Variants in DCUN1D3 observed in about 807,000 individuals in gnomAD.
DCUN1D3 encodes the protein DCN1-like protein 3.
DCUN1D3 carries 6 observed loss-of-function variants against 24.8 expected under a neutral mutation model. The observed-to-expected ratio is 0.24, with a 90% CI of 0.13 to 0.48. DCUN1D3 has a LOEUF of 0.48. Ranked by LOEUF, DCUN1D3 falls within the 20% of genes least tolerant of loss-of-function variation. The probability of loss-of-function intolerance (pLI) is 0.99; values close to 1 mark genes in which losing one functional copy is unlikely to be tolerated. For missense variants in DCUN1D3, 258 were observed against 379.4 expected (o/e 0.68, Z 2.66); for synonymous variants, 120 against 144.9 (o/e 0.83, Z 1.24).
At chr16:20,876,514 T>C (rs542124902) in intron 1 of DCUN1D3, among the ~76,000 whole-genome samples, 87 of 150,694 alleles carry the variant, frequency 5.8e-4, no homozygotes, top group African/African-American at 2.1e-3. Context: ...GAAATGTTAA[T>C]GAGTATAGCC....
Position 20,859,762 on chromosome 16 carries a change from C to T in DCUN1D3, c.*124G>A. On this transcript the variant is annotated 3_prime_UTR_variant, in exon 3 of 3. Coordinates refer to ENST00000324344, the MANE Select transcript of DCUN1D3 (RefSeq NM_173475.4). ...CAGCATTTTAGAGCCCTTTCAGATACAAGGCAGAGAAAGGTGTAAAGTAGA... is the reference window on the plus strand; with the variant it reads ...CAGCATTTTAGAGCCCTTTCAGATATAAGGCAGAGAAAGGTGTAAAGTAGA... 7.7e-7 allele frequency: 1 copy of T among 1,303,102 alleles called. No homozygotes were observed. Among genetic ancestry groups the T allele is most frequent in the Non-Finnish European group, 1.0e-6 (1 of 973,324 alleles). The allele number at this position is 1,303,102 out of a possible 1,614,324, so 80.7% of individuals were successfully genotyped here.
intron 1 of DCUN1D3, among the ~76,000 whole-genome samples, chr16:20,885,021 G>A (rs1184556257): frequency 6.7e-6 from 1 of 149,358 alleles, no homozygotes; most frequent in Admixed American, 6.7e-5. Context: ...CTGTCACCAG[G>A]CTGGAGTACA....
intron 1 of DCUN1D3, among the ~76,000 whole-genome samples, chr16:20,864,174 G>A (rs2081748106): frequency 6.6e-6 from 1 of 151,898 alleles, no homozygotes; most frequent in African/African-American, 2.4e-5. Context: ...AGAAACTATC[G>A]AGAGATAGCA....
rs968862408 is a variant in DCUN1D3, at chr16:20,854,977, A to C, written c.*4909T>G. On this transcript the variant is annotated 3_prime_UTR_variant, in exon 3 of 3. Coordinates refer to ENST00000324344, the MANE Select transcript of DCUN1D3 (RefSeq NM_173475.4). ...ACAGCAGGTAACCTTCCAAATAAAA[A>C]ACATTAAAGGAAAAAATGTAGACAT... 14 of 152,764 alleles carry C rather than the reference A, an allele frequency of 9.2e-5. No homozygotes were observed. Among genetic ancestry groups the C allele is most frequent in the African/African-American group, 3.4e-4 (14 of 41,568 alleles). The allele number at this position is 152,764 out of a possible 1,614,324, so 9.5% of individuals were successfully genotyped here.
At chr16:20,864,990 A>C (rs1046916118) in intron 1 of DCUN1D3, among the ~76,000 whole-genome samples, 1 of 152,162 alleles carries the variant, frequency 6.6e-6, no homozygotes, top group African/African-American at 2.4e-5. Context: ...TTGAGGGTAG[A>C]GGGTGGAGGG....
chr16:20,855,457 A>C lies in DCUN1D3; in HGVS notation c.*4429T>G, dbSNP rs1394416740. On this transcript the variant is annotated 3_prime_UTR_variant, in exon 3 of 3. Coordinates refer to ENST00000324344, the MANE Select transcript of DCUN1D3 (RefSeq NM_173475.4). Reference sequence around the variant, plus strand: ...AATATCCAAGATTTGTGTTGAAAGGAGCAGGGAGGTTGGATGGGTGGCGGA... The same window carrying C: ...AATATCCAAGATTTGTGTTGAAAGGCGCAGGGAGGTTGGATGGGTGGCGGA... 6.6e-6 allele frequency: 1 copy of C among 152,278 alleles called. No homozygotes were observed. Among genetic ancestry groups the C allele is most frequent in the Non-Finnish European group, 1.5e-5 (1 of 68,072 alleles). 9.4% of individuals were successfully genotyped at this position (152,278 alleles called of 1,614,324 possible). A position where few individuals can be genotyped will look rare whatever the true frequency, so the allele number is the denominator to read the frequency against.
chr16:20,884,977 C>CTT (rs11365673), intron 1 of DCUN1D3, among the ~76,000 whole-genome samples: 3 of 122,816 alleles, frequency 2.4e-5, no homozygotes, highest in African/African-American at 3.3e-5. Context: ...CACCATTTTG[C>CTT]TTTTTTTTTT....
rs79375748 is a variant in DCUN1D3, at chr16:20,882,622, T to G, written c.-106+17582A>C. On this transcript the variant is annotated intron_variant, in intron 1 of 2. Coordinates refer to ENST00000324344, the MANE Select transcript of DCUN1D3 (RefSeq NM_173475.4). Reference sequence around the variant, plus strand: ...ACATTTTCTAATTGTCACTATCTTATGTTCCAACCAGACAATAAAGTCCTT... The same window carrying G: ...ACATTTTCTAATTGTCACTATCTTAGGTTCCAACCAGACAATAAAGTCCTT... 7.5e-3 allele frequency among the ~76,000 whole-genome samples: 1,145 copies of G among 152,294 alleles called. 24 individuals carry two copies. The highest frequency in any genetic ancestry group is 0.026 in the African/African-American group (1,078 of 41,546).
intron 1 of DCUN1D3, among the ~76,000 whole-genome samples, chr16:20,886,935 G>A (rs2081870373): frequency 6.6e-6 from 1 of 152,224 alleles, no homozygotes; most frequent in African/African-American, 2.4e-5. Flanking sequence ...TCTTTGACAT[G>A]ACTTTAGTAT....
In DCUN1D3 at chr16:20,859,095, G is replaced by A. The variant is rs1242372160; in HGVS notation, c.*791C>T. 6.6e-6 allele frequency: 1 copy of A among 152,626 alleles called. No individual in the cohort carries two copies. Among genetic ancestry groups the A allele is most frequent in the Admixed American group, 6.5e-5 (1 of 15,284 alleles). The allele number at this position is 152,626 out of a possible 1,614,324, so 9.5% of individuals were successfully genotyped here. A position where few individuals can be genotyped will look rare whatever the true frequency, so the allele number is the denominator to read the frequency against. Reference sequence around the variant, plus strand: ...TGCTTTCTCCGCATTCAATGCTTAAGTGGTTCTCAGTACAATGTGTTCTTA... The same window carrying A: ...TGCTTTCTCCGCATTCAATGCTTAAATGGTTCTCAGTACAATGTGTTCTTA... On this transcript the variant is annotated 3_prime_UTR_variant, in exon 3 of 3. Transcript: ENST00000324344.
At chr16:20,892,874 C>G (rs966508341) in intron 1 of DCUN1D3, among the ~76,000 whole-genome samples, 8 of 152,190 alleles carry the variant, frequency 5.3e-5, no homozygotes, top group African/African-American at 1.9e-4. Context: ...GTATCCACAA[C>G]CACTACTAAA....
intron 1 of DCUN1D3, among the ~76,000 whole-genome samples, chr16:20,879,927 C>T (rs536500885): frequency 6.6e-6 from 1 of 152,192 alleles, no homozygotes; most frequent in Non-Finnish European, 1.5e-5. Context: ...TTTGCTGACA[C>T]CAACTACTCA....
chr16:20,873,244 C>T (rs2081798356), intron 1 of DCUN1D3, among the ~76,000 whole-genome samples: 1 of 152,066 alleles, frequency 6.6e-6, no homozygotes, highest in Admixed American at 6.6e-5. Context: ...CTAAAGACAT[C>T]TTTCACTTAT....
In DCUN1D3 at chr16:20,860,693, G is replaced by A. The variant is rs564464116; in HGVS notation, c.432-324C>T. On this transcript the variant is annotated intron_variant, in intron 2 of 2. Coordinates refer to ENST00000324344, the MANE Select transcript of DCUN1D3 (RefSeq NM_173475.4). This position sits in a 1 kb window ranked among gnomAD's most constrained non-coding sequence, Gnocchi z 4.3. ...TCTCCTGCTCCCTGCCCTGTTTCCCGCTCTGCAATAGCGATTAAGCTGCGG... is the reference window on the plus strand; with the variant it reads ...TCTCCTGCTCCCTGCCCTGTTTCCCACTCTGCAATAGCGATTAAGCTGCGG... Among the ~76,000 whole-genome samples, 1 of 152,070 alleles carries A rather than the reference G, an allele frequency of 6.6e-6. No individual in the cohort carries two copies. Among genetic ancestry groups the A allele is most frequent in the Non-Finnish European group, 1.5e-5 (1 of 68,024 alleles).
At chr16:20,873,311 C>T (rs888244221) in intron 1 of DCUN1D3, among the ~76,000 whole-genome samples, 1 of 152,148 alleles carries the variant, frequency 6.6e-6, no homozygotes, top group African/African-American at 2.4e-5. Flanking sequence ...CCTCACACTC[C>T]CTCCAAGGAA....
At chr16:20,884,006 G>A (rs1321895337) in intron 1 of DCUN1D3, among the ~76,000 whole-genome samples, 1 of 152,128 alleles carries the variant, frequency 6.6e-6, no homozygotes, top group African/African-American at 2.4e-5. Flanking sequence ...AAAGATTCTG[G>A]ATAAACTAAA....
chr16:20,879,975 T>G (rs1036219890), intron 1 of DCUN1D3, among the ~76,000 whole-genome samples: 1 of 152,244 alleles, frequency 6.6e-6, no homozygotes, highest in Non-Finnish European at 1.5e-5. Context: ...TAAAAACAAC[T>G]TTGACACTTG....
chr16:20,897,971 T>G (rs548349271), intron 1 of DCUN1D3, among the ~76,000 whole-genome samples: 1 of 152,332 alleles, frequency 6.6e-6, no homozygotes, highest in East Asian at 1.9e-4. Context: ...GGCAATTTGT[T>G]TGCCTACCTA....
intron 1 of DCUN1D3, among the ~76,000 whole-genome samples, chr16:20,876,255 C>A (rs2081814658): frequency 6.6e-6 from 1 of 152,192 alleles, no homozygotes. Context: ...GCTCGAGCCA[C>A]TGTGCCCGAC....
Sources: gnomAD v4.1 joint callset for allele counts (sites outside exome capture counted in the v4.1 genomes callset) on GRCh38, gnomAD v4.1.1 for gene constraint, Gnocchi (gnomAD v3.1) non-coding constraint, MANE v1.5 for transcripts, NCBI Gene and HGNC (gene_info 2026-07-23, HGNC 2026-07-21) for gene names.